Variants in SCAPER observed in about 807,000 individuals in gnomAD.
SCAPER encodes S-phase cyclin A associated protein in the ER, also known as S phase cyclin A-associated protein in the endoplasmic reticulum.
SCAPER carries 98 observed loss-of-function variants against 182.2 expected under a neutral mutation model. The ratio of observed to expected loss-of-function variants is 0.54; its 90% confidence interval spans 0.46 to 0.64. The LOEUF (loss-of-function observed/expected upper bound fraction) is 0.64. Among genes scored for constraint, SCAPER ranks in the 30% least tolerant of loss-of-function variants. The pLI, the probability that SCAPER is intolerant of heterozygous loss-of-function variation, is 0.00. For synonymous variants in SCAPER, 605 were observed against 564.6 expected (o/e 1.07, Z -1.01); for missense variants, 1,432 against 1,690.0 (o/e 0.85, Z 2.68).
chr15:76,737,981 C>T (rs1408681705), intron 15 of SCAPER, among the ~76,000 whole-genome samples: 1 of 152,154 alleles, frequency 6.6e-6, no homozygotes, highest in Non-Finnish European at 1.5e-5. Context: ...CTATCCAGAC[C>T]ACTCGAACTT....
At chr15:76,558,788 G>C (rs1014415654) in intron 23 of SCAPER, among the ~76,000 whole-genome samples, 1 of 151,806 alleles carries the variant, frequency 6.6e-6, no homozygotes, top group Non-Finnish European at 1.5e-5. Flanking sequence ...CATTCACGGT[G>C]GACTGGATAA....
chr15:76,859,428 A>G (rs1310621159), intron 3 of SCAPER, among the ~76,000 whole-genome samples: 1 of 152,230 alleles, frequency 6.6e-6, no homozygotes, highest in Non-Finnish European at 1.5e-5. Flanking sequence ...GCTGTAATGT[A>G]CCAGCAGGTT....
At chr15:76,804,766 C>A in intron 5 of SCAPER, 133 bp from the exon 6 acceptor site, 1 of 480,190 alleles carries the variant, frequency 2.1e-6, no homozygotes, top group South Asian at 4.4e-5. Context: ...GCGTAAGTTA[C>A]AGATTTTTTT....
intron 2 of SCAPER, among the ~76,000 whole-genome samples, chr15:76,866,072 C>A (rs2072271159): frequency 6.6e-6 from 1 of 152,186 alleles, no homozygotes; most frequent in East Asian, 1.9e-4. Flanking sequence ...TTGGTCAGTT[C>A]TATCTAACTT....
intron 17 of SCAPER, among the ~76,000 whole-genome samples, chr15:76,713,912 G>C (rs1010799153): frequency 6.6e-6 from 1 of 152,034 alleles, no homozygotes; most frequent in Non-Finnish European, 1.5e-5. Flanking sequence ...AAAGTGAATG[G>C]CCACAAAAAG....
chr15:76,870,027 G>A (rs149308715), intron 2 of SCAPER, among the ~76,000 whole-genome samples: 1 of 152,182 alleles, frequency 6.6e-6, no homozygotes, highest in African/African-American at 2.4e-5. Context: ...TCCCTCATAT[G>A]TTGGAGCTAA....
chr15:76,638,038 G>A (rs1433758885), intron 21 of SCAPER, among the ~76,000 whole-genome samples: 1 of 151,832 alleles, frequency 6.6e-6, no homozygotes, highest in East Asian at 1.9e-4. Context: ...ATATATTCTG[G>A]ACATAAATCC....
intron 25 of SCAPER, among the ~76,000 whole-genome samples, chr15:76,464,759 G>T (rs935290515): frequency 6.6e-6 from 1 of 152,082 alleles, no homozygotes; most frequent in African/African-American, 2.4e-5. Context: ...TTTTGAATAC[G>T]TACCCAGAAG....
At chr15:76,660,438 C>T (rs1461827998) in intron 21 of SCAPER, among the ~76,000 whole-genome samples, 2 of 152,060 alleles carry the variant, frequency 1.3e-5, no homozygotes, top group Non-Finnish European at 2.9e-5. Context: ...GTGTGCTCCC[C>T]TCTTCTCTAG....
chr15:76,370,709 C>A (rs1414359938), intron 29 of SCAPER, among the ~76,000 whole-genome samples: 1 of 152,156 alleles, frequency 6.6e-6, no homozygotes, highest in Non-Finnish European at 1.5e-5. Context: ...GATGTTCAAA[C>A]CTCAAGAGGG....
intron 15 of SCAPER, among the ~76,000 whole-genome samples, chr15:76,745,837 A>T (rs1294275485): frequency 6.6e-6 from 1 of 152,238 alleles, no homozygotes; most frequent in African/African-American, 2.4e-5. Context: ...AAGTACAGTG[A>T]TAAAATCAAA....
intron 8 of SCAPER, among the ~76,000 whole-genome samples, chr15:76,789,150 C>A (rs1031041103): frequency 1.3e-5 from 2 of 152,106 alleles, no homozygotes; most frequent in African/African-American, 4.8e-5. Flanking sequence ...AATATCCAGT[C>A]TGTGTTCAAT....
intron 25 of SCAPER, among the ~76,000 whole-genome samples, chr15:76,454,275 G>A (rs2048569426): frequency 6.6e-6 from 1 of 152,018 alleles, no homozygotes; most frequent in Admixed American, 6.6e-5. Context: ...AATCAGCACT[G>A]TCCTGACTCA....
At chr15:76,581,400 A>G (rs1469939804) in intron 22 of SCAPER, among the ~76,000 whole-genome samples, 1 of 152,180 alleles carries the variant, frequency 6.6e-6, no homozygotes, top group Non-Finnish European at 1.5e-5. Flanking sequence ...ACTGATATAA[A>G]AATCCTCAAC....
At chr15:76,588,659 G>A (rs552471051) in intron 22 of SCAPER, among the ~76,000 whole-genome samples, 1 of 152,094 alleles carries the variant, frequency 6.6e-6, no homozygotes, top group Non-Finnish European at 1.5e-5. Context: ...TGTATAACTT[G>A]TTTGTCTTTA....
intron 27 of SCAPER, among the ~76,000 whole-genome samples, chr15:76,402,527 G>A (rs1446667454): frequency 1.3e-5 from 2 of 151,916 alleles, no homozygotes; most frequent in Non-Finnish European, 2.9e-5. Flanking sequence ...GACCTCCTCT[G>A]TAAGTGCTTT....
At chr15:76,585,094 A>G (rs146942713) in intron 22 of SCAPER, among the ~76,000 whole-genome samples, 1 of 152,280 alleles carries the variant, frequency 6.6e-6, no homozygotes, top group East Asian at 1.9e-4. Context: ...TGGCTCCAGC[A>G]CACACCATGT....
intron 21 of SCAPER, among the ~76,000 whole-genome samples, chr15:76,653,284 T>A (rs554338633): frequency 2.0e-5 from 3 of 152,324 alleles, no homozygotes; most frequent in Non-Finnish European, 4.4e-5. Flanking sequence ...AAAATGGCTA[T>A]ACTGCCCAAA....
intron 24 of SCAPER, among the ~76,000 whole-genome samples, chr15:76,477,904 A>T (rs930516316): frequency 8.6e-5 from 13 of 151,938 alleles, no homozygotes; most frequent in African/African-American, 3.1e-4. Flanking sequence ...GTCATATTTT[A>T]AAAATAACTT....
Sources: gnomAD v4.1 joint callset for allele counts (sites outside exome capture counted in the v4.1 genomes callset) on GRCh38, gnomAD v4.1.1 for gene constraint, MANE v1.5 for transcripts, NCBI Gene and HGNC (gene_info 2026-07-23, HGNC 2026-07-21) for gene names.